The following PCDHA7 variants were observed in gnomAD, a reference collection of about 807,000 sequenced individuals.
PCDHA7 encodes protocadherin alpha-7.
A neutral mutation model predicts 57.2 loss-of-function variants in PCDHA7; 37 were observed. The ratio of observed to expected loss-of-function variants is 0.65; its 90% CI spans 0.50 to 0.85. PCDHA7 has a LOEUF of 0.85. Ranked by LOEUF, PCDHA7 falls within the 40% of genes least tolerant of loss-of-function variation. The probability of loss-of-function intolerance (pLI) is 0.00; values close to 1 mark genes in which losing one functional copy is unlikely to be tolerated. For missense variants in PCDHA7, 1,188 were observed against 1,241.8 expected, an observed-to-expected ratio of 0.96 and a Z score of 0.65; for synonymous variants, 553 against 558.8, an observed-to-expected ratio of 0.99 and a Z score of 0.15.
At chr5:140,868,877 C>A in intron 1 of PCDHA7, 1 of 684,342 alleles carries the variant, frequency 1.5e-6, no homozygotes, top group Non-Finnish European at 2.3e-6. Flanking sequence ...GCACAGTACT[C>A]ACAGTTTTAG....
intron 1 of PCDHA7, chr5:140,870,708 C>G (rs781841032): frequency 1.8e-5 from 29 of 1,612,898 alleles, no homozygotes; most frequent in Non-Finnish European, 2.5e-5. Context: ...TCCAGGTGAG[C>G]GCGCGCGATG....
At chr5:140,882,884 C>T (rs782007101) in intron 1 of PCDHA7, 3 of 1,614,184 alleles carry the variant, frequency 1.9e-6, no homozygotes, top group Middle Eastern at 3.3e-4. Context: ...AGAGGAAATT[C>T]AGGAACATAG....
At chr5:140,850,208 G>T (rs2150473240) in intron 1 of PCDHA7, 1 of 1,593,570 alleles carries the variant, frequency 6.3e-7, no homozygotes, top group Non-Finnish European at 8.6e-7. Flanking sequence ...CTCGGATGAG[G>T]GGCACTGACG....
chr5:140,843,231 TGGACGAAGC>T lies in PCDHA7; in HGVS notation c.2355+6498_2355+6506del. 1.8e-5 allele frequency: 29 copies of T among 1,596,108 alleles called. 2 individuals carry two copies. The highest frequency in any genetic ancestry group is 2.5e-5 in the Non-Finnish European group (29 of 1,165,604). The stretch of plus-strand genomic sequence containing the variant: ...GGCGAGATCAGCACCACTCGTGTCC[TGGACGAAGC>T]GGACTCTCCGCGCCACCGTCTGCTG... On this transcript the variant is annotated intron_variant, in intron 1 of 3. Transcript: ENST00000525929.
chr5:140,941,492 T>G (rs1446870882), intron 1 of PCDHA7, among the ~76,000 whole-genome samples: 18 of 151,592 alleles, frequency 1.2e-4, no homozygotes, highest in Admixed American at 1.2e-3. Flanking sequence ...ATTTTTTGTA[T>G]TTTTAGTAGA....
chr5:140,907,641 C>T (rs2073511625), intron 1 of PCDHA7, among the ~76,000 whole-genome samples: 1 of 152,212 alleles, frequency 6.6e-6, no homozygotes, highest in Non-Finnish European at 1.5e-5. Context: ...CTGCTGCTGG[C>T]AAATTGGGCA....
Position 140,836,337 on chromosome 5 carries a change from A to G in PCDHA7, c.1954A>G (p.Lys652Glu), listed in dbSNP as rs143048298. Residue 652 changes from lysine to glutamate, a missense_variant, in exon 1 of 4, where the codon AAG becomes GAG. Transcript: ENST00000525929. ...APRHRLLVLV[K>E]DHGEPSLTAT... ...GCGCCACCGCCTTCTGGTGCTTGTG[A>G]AGGACCACGGGGAGCCCTCGCTGAC... 1,176 of 1,613,648 alleles carry G rather than the reference A, an allele frequency of 7.3e-4. 14 individuals carry two copies. Among genetic ancestry groups the G allele is most frequent in the Non-Finnish European group, 9.2e-4 (1,082 of 1,179,806 alleles).
In PCDHA7 at chr5:140,966,999, G is replaced by A. The variant is rs782081862; in HGVS notation, c.2356-11950G>A. 115 of 1,604,458 alleles carry A rather than the reference G, an allele frequency of 7.2e-5. No homozygotes were observed. The highest frequency in any genetic ancestry group is 8.8e-5 in the Non-Finnish European group (104 of 1,177,324). ...CGGCGCTTGGGGCCGGGTTGCTTGC[G>A]CATCAACCATCTGGGTGCGCCCAGT... On this transcript the variant is annotated intron_variant, in intron 1 of 3. Transcript: ENST00000525929.
chr5:140,851,489 T>A, intron 1 of PCDHA7: 1 of 887,850 alleles, frequency 1.1e-6, no homozygotes, highest in Admixed American at 6.3e-5. Context: ...AACACAGCCT[T>A]CATTTCAACT....
intron 1 of PCDHA7, among the ~76,000 whole-genome samples, chr5:140,956,777 G>A (rs1470027067): frequency 6.6e-6 from 1 of 152,022 alleles, no homozygotes; most frequent in Admixed American, 6.6e-5. Context: ...GTCTGGTCCT[G>A]GGCTTTGTTT....
intron 1 of PCDHA7, among the ~76,000 whole-genome samples, chr5:140,938,931 A>T (rs1371527205): frequency 6.6e-6 from 1 of 152,044 alleles, no homozygotes; most frequent in African/African-American, 2.4e-5. Context: ...TTGGCTTTTA[A>T]CTTTCCATTC....
chr5:140,995,812 G>A (rs2097699173), intron 3 of PCDHA7, among the ~76,000 whole-genome samples: 1 of 152,202 alleles, frequency 6.6e-6, no homozygotes, highest in Non-Finnish European at 1.5e-5. Flanking sequence ...TTTCTGAAGG[G>A]AGATAGCCTG....
At chr5:140,860,192 C>CATATATATATAT (rs143984774) in intron 1 of PCDHA7, 7 of 146,860 alleles carry the variant, frequency 4.8e-5, no homozygotes, top group African/African-American at 1.8e-4. Context: ...GCTCTCCTTA[C>CATATATATATAT]ATATATATCT....
At chr5:140,894,296 C>T (rs1434101692) in intron 1 of PCDHA7, among the ~76,000 whole-genome samples, 4 of 151,798 alleles carry the variant, frequency 2.6e-5, no homozygotes, top group African/African-American at 4.8e-5. Flanking sequence ...AGTTTATTTT[C>T]CTGGAAAGTT....
At chr5:141,008,707 T>C (rs1255261995) in intron 3 of PCDHA7, among the ~76,000 whole-genome samples, 1 of 152,216 alleles carries the variant, frequency 6.6e-6, no homozygotes, top group Non-Finnish European at 1.5e-5. Flanking sequence ...TGGTTTCTAG[T>C]TGCTTGAGTG....
chr5:140,863,670 C>A (rs2048115377), intron 1 of PCDHA7: 1 of 292,680 alleles, frequency 3.4e-6, no homozygotes, highest in Admixed American at 4.6e-5. Context: ...ATTTATTTTG[C>A]TTTTGCTTTT....
At chr5:140,850,588 T>A in intron 1 of PCDHA7, 1 of 1,598,352 alleles carries the variant, frequency 6.3e-7, no homozygotes, top group South Asian at 1.1e-5. Flanking sequence ...GATGTCAACG[T>A]GTACCTGATC....
intron 1 of PCDHA7, chr5:140,869,866 G>A (rs1165429955): frequency 1.9e-6 from 3 of 1,610,400 alleles, no homozygotes; most frequent in Non-Finnish European, 1.7e-6. Flanking sequence ...TATGGAAAAT[G>A]CTGCTAAAGA....
Position 140,856,993 on chromosome 5 carries a change from T to C in PCDHA7, c.2355+20255T>C, listed in dbSNP as rs201643490. Reference sequence around the variant, plus strand: ...TTGACTTTGAGGACAGTAACACTTATGAAATTCATGTAGATGTTACAGATA... The same window carrying C: ...TTGACTTTGAGGACAGTAACACTTACGAAATTCATGTAGATGTTACAGATA... On this transcript the variant is annotated intron_variant, in intron 1 of 3. Coordinates refer to ENST00000525929, the MANE Select transcript of PCDHA7 (RefSeq NM_018910.3). The C allele has an allele frequency of 7.3e-5, 117 of 1,595,326 alleles. 13 individuals are homozygous for C. The highest frequency in any genetic ancestry group is 9.6e-5 in the Non-Finnish European group (112 of 1,165,156).
Sources: gnomAD v4.1 joint callset for allele counts (sites outside exome capture counted in the v4.1 genomes callset) on GRCh38, gnomAD v4.1.1 for gene constraint, MANE v1.5 for transcripts, NCBI Gene and HGNC (gene_info 2026-07-23, HGNC 2026-07-21) for gene names.